The following ERC2 variants were observed in gnomAD, a reference collection of about 807,000 sequenced individuals.
The protein encoded by ERC2 is ERC protein 2.
A neutral mutation model predicts 114.8 loss-of-function variants in ERC2; 42 were observed. The observed-to-expected ratio is 0.37, with a 90% CI of 0.29 to 0.47. ERC2 has a LOEUF of 0.47. Ranked by LOEUF, ERC2 falls within the 20% of genes least tolerant of loss-of-function variation. ERC2 has a pLI of 0.99. For synonymous variants in ERC2, 454 were observed against 425.5 expected (o/e 1.07, Z -0.82); for missense variants, 939 against 1,150.7 (o/e 0.82, Z 2.66).
intron 14 of ERC2, among the ~76,000 whole-genome samples, chr3:55,783,967 T>C (rs1407967890): frequency 3.3e-5 from 5 of 152,244 alleles, no homozygotes; most frequent in African/African-American, 7.2e-5. Context: ...TTTTTAAATA[T>C]AAAATTTCTA....
At chr3:56,413,011 C>G (rs1018805907) in intron 2 of ERC2, among the ~76,000 whole-genome samples, 3 of 152,172 alleles carry the variant, frequency 2.0e-5, no homozygotes, top group African/African-American at 7.2e-5. Context: ...ATCTATCACC[C>G]TCAACTTACA....
intron 3 of ERC2, among the ~76,000 whole-genome samples, chr3:56,220,462 G>A (rs963300974): frequency 1.3e-5 from 2 of 152,186 alleles, no homozygotes; most frequent in Non-Finnish European, 2.9e-5. Flanking sequence ...GTATTGAAAG[G>A]TTACAGGGCA....
chr3:55,929,169 C>T (rs1265332902), intron 13 of ERC2, among the ~76,000 whole-genome samples: 1 of 152,150 alleles, frequency 6.6e-6, no homozygotes, highest in African/African-American at 2.4e-5. Context: ...GTCCCCTCCC[C>T]TAAGCCACAG....
intron 17 of ERC2, among the ~76,000 whole-genome samples, chr3:55,583,551 T>C (rs866076027): frequency 3.8e-5 from 4 of 104,182 alleles, no homozygotes; most frequent in African/African-American, 1.4e-4. Flanking sequence ...CTTTCTTCCT[T>C]CCTTCCTTCC....
intron 12 of ERC2, among the ~76,000 whole-genome samples, chr3:55,958,914 G>A (rs1379125417): frequency 6.6e-6 from 1 of 152,188 alleles, no homozygotes; most frequent in East Asian, 1.9e-4. Context: ...CTGCAGCTGT[G>A]CCCAGGAGCA....
intron 17 of ERC2, among the ~76,000 whole-genome samples, chr3:55,560,161 C>T (rs1343519964): frequency 6.6e-6 from 1 of 152,162 alleles, no homozygotes; most frequent in Non-Finnish European, 1.5e-5. Flanking sequence ...CTTGACTACT[C>T]AGCTCTGCCA....
intron 17 of ERC2, among the ~76,000 whole-genome samples, chr3:55,547,460 G>A (rs2054837180): frequency 6.6e-6 from 1 of 152,234 alleles, no homozygotes; most frequent in Admixed American, 6.5e-5. Flanking sequence ...TCCAGTGGAC[G>A]TTTCCGGTGC....
At chr3:55,569,861 ATTT>A (rs375004734) in intron 17 of ERC2, among the ~76,000 whole-genome samples, 33 of 125,192 alleles carry the variant, frequency 2.6e-4, no homozygotes, top group African/African-American at 5.3e-4. Context: ...CTTCATTTCT[ATTT>A]TTTTTTTTTT....
At chr3:55,730,795 G>A (rs1020613367) in intron 15 of ERC2, among the ~76,000 whole-genome samples, 1 of 152,222 alleles carries the variant, frequency 6.6e-6, no homozygotes, top group African/African-American at 2.4e-5. Flanking sequence ...TGGCCGAAGT[G>A]AGCTGTGATT....
At chr3:56,218,911 T>C (rs2049699516) in intron 3 of ERC2, among the ~76,000 whole-genome samples, 1 of 152,040 alleles carries the variant, frequency 6.6e-6, no homozygotes, top group South Asian at 2.1e-4. Context: ...ACGCCGCGTG[T>C]TCTCACTCAT....
At chr3:55,878,181 T>A (rs1029718465) in intron 14 of ERC2, among the ~76,000 whole-genome samples, 28 of 152,206 alleles carry the variant, frequency 1.8e-4, no homozygotes, top group African/African-American at 6.5e-4. Flanking sequence ...TGATTATGAT[T>A]ATTTAGGCTG....
At chr3:55,658,036 G>C (rs1461035894) in intron 17 of ERC2, 1 of 152,050 alleles carries the variant, frequency 6.6e-6, no homozygotes, top group African/African-American at 2.4e-5. Context: ...ACTCAATAAG[G>C]GATGCAATTT....
At chr3:55,754,400 AT>A (rs2066916891) in intron 14 of ERC2, among the ~76,000 whole-genome samples, 1 of 151,440 alleles carries the variant, frequency 6.6e-6, no homozygotes, top group African/African-American at 2.4e-5. Context: ...TAACTAAGAC[AT>A]TTCTACTCTA....
intron 14 of ERC2, among the ~76,000 whole-genome samples, chr3:55,813,524 T>C (rs1399023817): frequency 6.6e-6 from 1 of 152,182 alleles, no homozygotes; most frequent in Non-Finnish European, 1.5e-5. Context: ...TCAGTGATCT[T>C]CACAGTCCTT....
intron 2 of ERC2, among the ~76,000 whole-genome samples, chr3:56,338,703 G>A (rs1022767689): frequency 4.6e-5 from 7 of 152,184 alleles, no homozygotes; most frequent in African/African-American, 1.7e-4. Context: ...TATACAAAGT[G>A]CCAGGATACA....
intron 7 of ERC2, among the ~76,000 whole-genome samples, chr3:56,035,949 G>A (rs926964897): frequency 3.9e-5 from 6 of 151,982 alleles, no homozygotes; most frequent in South Asian, 4.1e-4. Flanking sequence ...GAATATAGAC[G>A]CAAAAATCCT....
intron 3 of ERC2, among the ~76,000 whole-genome samples, chr3:56,274,022 G>T (rs1370666068): frequency 6.6e-6 from 1 of 152,170 alleles, no homozygotes; most frequent in African/African-American, 2.4e-5. Context: ...TATAGATGAG[G>T]AATTGGTTAC....
chr3:55,530,152 C>T (rs2053577586), intron 17 of ERC2, among the ~76,000 whole-genome samples: 1 of 152,170 alleles, frequency 6.6e-6, no homozygotes, highest in African/African-American at 2.4e-5. Context: ...CTGCCTCTGC[C>T]ATCTTATTTA....
At chr3:55,605,886 G>T (rs1386323699) in intron 17 of ERC2, among the ~76,000 whole-genome samples, 1 of 152,150 alleles carries the variant, frequency 6.6e-6, no homozygotes, top group Non-Finnish European at 1.5e-5. Flanking sequence ...TTCCTAGGAG[G>T]AACCCCCAAA....
Sources: allele counts gnomAD v4.1 joint callset (sites outside exome capture counted in the v4.1 genomes callset), GRCh38; gene constraint gnomAD v4.1.1; transcripts MANE v1.5; gene names NCBI Gene and HGNC (gene_info 2026-07-23, HGNC 2026-07-21).